The following IQCM variants were observed in gnomAD, a reference collection of about 807,000 sequenced individuals.
The protein encoded by IQCM is IQ domain-containing protein M.
In IQCM, 45 loss-of-function variants were observed where a neutral mutation model predicts 57.6. The ratio of observed to expected loss-of-function variants is 0.78; its 90% CI spans 0.62 to 1.00. The LOEUF is 1.00. Ranked by LOEUF, IQCM falls within the 50% of genes least tolerant of loss-of-function variation. The pLI is 0.00. For missense variants in IQCM, 468 were observed against 511.6 expected, an observed-to-expected ratio of 0.91 and a Z score of 0.82; for synonymous variants, 148 against 158.9, an observed-to-expected ratio of 0.93 and a Z score of 0.51.
intron 6 of IQCM, 53 bp from the exon 7 acceptor site, chr4:149,682,259 A>T (rs1390592008): frequency 1.3e-6 from 1 of 746,218 alleles, no homozygotes; most frequent in Non-Finnish European, 1.8e-6. Context: ...ATTTTGTAAT[A>T]CAAATCTTCA....
intron 10 of IQCM, among the ~76,000 whole-genome samples, chr4:149,562,881 CA>C (rs1750264243): frequency 6.6e-6 from 1 of 152,158 alleles, no homozygotes; most frequent in Non-Finnish European, 1.5e-5. Flanking sequence ...ATGCCCACTG[CA>C]AATCTATTCC....
At chr4:149,768,883 G>A (rs929439924) in intron 2 of IQCM, among the ~76,000 whole-genome samples, 15 of 151,910 alleles carry the variant, frequency 9.9e-5, no homozygotes, top group East Asian at 1.9e-4. Context: ...TATGTAACTC[G>A]TTAACCAGGA....
intron 9 of IQCM, among the ~76,000 whole-genome samples, chr4:149,570,623 T>C (rs988280335): frequency 3.9e-5 from 6 of 151,966 alleles, no homozygotes; most frequent in African/African-American, 4.8e-5. Flanking sequence ...ATAAAATCAT[T>C]ATGAAAGAAT....
At chr4:149,491,489 A>G (rs985581916) in intron 12 of IQCM, among the ~76,000 whole-genome samples, 16 of 152,042 alleles carry the variant, frequency 1.1e-4, no homozygotes, top group Middle Eastern at 3.2e-3. Context: ...TTCAGATTTC[A>G]CATGTAGGTG....
chr4:149,525,255 A>G (rs1746042861), intron 12 of IQCM, among the ~76,000 whole-genome samples: 1 of 151,964 alleles, frequency 6.6e-6, no homozygotes, highest in African/African-American at 2.4e-5. Flanking sequence ...AATATTACAA[A>G]ATAGAATGTA....
At chr4:149,520,459 A>C (rs1052856433) in intron 12 of IQCM, among the ~76,000 whole-genome samples, 14 of 152,146 alleles carry the variant, frequency 9.2e-5, no homozygotes, top group Non-Finnish European at 4.4e-5. Flanking sequence ...GATGAATTAC[A>C]TCATTAGCCT....
chr4:149,358,118 T>C (rs1424726215), intron 13 of IQCM, among the ~76,000 whole-genome samples: 3 of 152,234 alleles, frequency 2.0e-5, no homozygotes, highest in Non-Finnish European at 4.4e-5. Context: ...TTATTGCATC[T>C]ATTTGATTCT....
At chr4:149,502,753 A>G (rs1743392628) in intron 12 of IQCM, among the ~76,000 whole-genome samples, 1 of 152,144 alleles carries the variant, frequency 6.6e-6, no homozygotes, top group Non-Finnish European at 1.5e-5. Context: ...GCAGTTGAAG[A>G]ACTGAAATAT....
intron 7 of IQCM, among the ~76,000 whole-genome samples, chr4:149,649,750 G>A (rs1164325879): frequency 6.6e-6 from 1 of 151,996 alleles, no homozygotes; most frequent in Non-Finnish European, 1.5e-5. Context: ...GACTTACTAA[G>A]TATTCATCTG....
chr4:149,446,354 T>C (rs1736506759), intron 12 of IQCM, among the ~76,000 whole-genome samples: 1 of 151,764 alleles, frequency 6.6e-6, no homozygotes, highest in South Asian at 2.1e-4. Flanking sequence ...GAATCCATGA[T>C]GCTACTTTTA....
chr4:149,632,678 T>G, intron 7 of IQCM, among the ~76,000 whole-genome samples: 1 of 152,198 alleles, frequency 6.6e-6, no homozygotes, highest in East Asian at 1.9e-4. Context: ...AATGTGTCAC[T>G]CTATTCTTTA....
chr4:149,483,873 G>C (rs774646290), intron 12 of IQCM, among the ~76,000 whole-genome samples: 3 of 151,778 alleles, frequency 2.0e-5, no homozygotes, highest in Non-Finnish European at 4.4e-5. Context: ...GGGGTGTTGA[G>C]GTCTCCAGCT....
chr4:149,488,587 A>G (rs969445974), intron 12 of IQCM, among the ~76,000 whole-genome samples: 3 of 152,160 alleles, frequency 2.0e-5, no homozygotes, highest in African/African-American at 7.2e-5. Flanking sequence ...TTGAGGTTGT[A>G]TACATCGATT....
chr4:149,688,234 T>TA (rs965264449), intron 5 of IQCM, among the ~76,000 whole-genome samples: 4 of 151,864 alleles, frequency 2.6e-5, no homozygotes, highest in Non-Finnish European at 4.4e-5. Flanking sequence ...CTAGAACTGA[T>TA]AAAAAAATTT....
At chr4:149,402,288 T>C (rs1732670121) in intron 13 of IQCM, among the ~76,000 whole-genome samples, 1 of 151,730 alleles carries the variant, frequency 6.6e-6, no homozygotes, top group African/African-American at 2.4e-5. Context: ...CTTCTACCCA[T>C]ACCTTTGTAG....
intron 2 of IQCM, among the ~76,000 whole-genome samples, chr4:149,768,764 T>G (rs985111140): frequency 1.3e-5 from 2 of 152,076 alleles, no homozygotes; most frequent in African/African-American, 4.8e-5. Context: ...ACACGGCAAC[T>G]GAATCACATA....
At chr4:149,795,704 G>T (rs1176062596) in intron 2 of IQCM, among the ~76,000 whole-genome samples, 2 of 152,164 alleles carry the variant, frequency 1.3e-5, no homozygotes, top group Non-Finnish European at 2.9e-5. Context: ...ATAGTGAGGA[G>T]AACTTTGTCT....
chr4:149,794,419 C>A (rs572957271), intron 2 of IQCM, among the ~76,000 whole-genome samples: 20 of 152,336 alleles, frequency 1.3e-4, no homozygotes, highest in Admixed American at 1.3e-3. Flanking sequence ...AGCCTATTTA[C>A]CACTGAATCA....
chr4:149,743,701 C>T (rs1187647810), intron 2 of IQCM, among the ~76,000 whole-genome samples: 10 of 152,084 alleles, frequency 6.6e-5, no homozygotes, highest in Non-Finnish European at 1.5e-4. Flanking sequence ...TTCATGGTTC[C>T]CAGCTCAGTG....
Sources: gnomAD v4.1 joint callset for allele counts (sites outside exome capture counted in the v4.1 genomes callset) on GRCh38, gnomAD v4.1.1 for gene constraint, MANE v1.5 for transcripts, NCBI Gene and HGNC (gene_info 2026-07-23, HGNC 2026-07-21) for gene names.